Variants in WWOX observed in about 807,000 individuals in gnomAD.
WWOX encodes the protein WW domain-containing oxidoreductase.
Under a neutral mutation model 46.2 loss-of-function variants are expected in WWOX, and 69 were observed. That is an observed-to-expected ratio of 1.49 (90% confidence interval 1.23 to 1.82). WWOX has a LOEUF of 1.82. WWOX is among the 40% of genes most tolerant of loss of function. WWOX has a pLI of 0.00. For synonymous variants in WWOX, 359 were observed against 202.6 expected, an observed-to-expected ratio of 1.77 and a Z score of -6.56; for missense variants, 919 against 542.6, an observed-to-expected ratio of 1.69 and a Z score of -6.89.
chr16:78,871,810 C>A (rs1248687276), intron 8 of WWOX, among the ~76,000 whole-genome samples: 2 of 152,170 alleles, frequency 1.3e-5, no homozygotes, highest in Non-Finnish European at 2.9e-5. Flanking sequence ...ACCATATTGG[C>A]CAGGCTGGTC....
chr16:78,237,066 T>C (rs1259558580), intron 5 of WWOX, among the ~76,000 whole-genome samples: 2 of 110,244 alleles, frequency 1.8e-5, no homozygotes, highest in African/African-American at 3.8e-5. Flanking sequence ...AGAGTGAGAC[T>C]CCGTCTCAAA....
chr16:78,915,084 A>G (rs1039336065), intron 8 of WWOX, among the ~76,000 whole-genome samples: 3 of 151,924 alleles, frequency 2.0e-5, no homozygotes, highest in African/African-American at 7.3e-5. Context: ...GAGATGGAAG[A>G]CCTCTTGGCT....
At chr16:78,238,343 A>G (rs991284565) in intron 5 of WWOX, among the ~76,000 whole-genome samples, 2 of 152,156 alleles carry the variant, frequency 1.3e-5, no homozygotes, top group African/African-American at 4.8e-5. Context: ...TTCATCACCC[A>G]GGCTGGAGTG....
At chr16:78,701,274 G>A (rs755828572) in intron 8 of WWOX, among the ~76,000 whole-genome samples, 6 of 152,114 alleles carry the variant, frequency 3.9e-5, no homozygotes, top group Non-Finnish European at 8.8e-5. Context: ...ACAGGGTCTT[G>A]TTATGTTTCC....
intron 8 of WWOX, among the ~76,000 whole-genome samples, chr16:78,755,688 G>A (rs1025313303): frequency 3.3e-5 from 5 of 152,090 alleles, no homozygotes; most frequent in Admixed American, 2.6e-4. Flanking sequence ...CTGCACCAGG[G>A]CCATGTGACA....
intron 8 of WWOX, among the ~76,000 whole-genome samples, chr16:78,963,138 C>T (rs529983678): frequency 3.3e-5 from 5 of 152,032 alleles, no homozygotes. Flanking sequence ...TTTACCATTC[C>T]TCTTGTCTAT....
intron 5 of WWOX, among the ~76,000 whole-genome samples, chr16:78,349,127 C>T (rs549130822): frequency 2.5e-5 from 3 of 120,864 alleles, no homozygotes; most frequent in Admixed American, 8.0e-5. Context: ...AGGTCTACCT[C>T]GTCTGCTTGC....
At chr16:78,853,567 G>A (rs2052499858) in intron 8 of WWOX, among the ~76,000 whole-genome samples, 1 of 152,108 alleles carries the variant, frequency 6.6e-6, no homozygotes, top group African/African-American at 2.4e-5. Context: ...GAATCTTCTT[G>A]ACCATGAGGC....
intron 8 of WWOX, among the ~76,000 whole-genome samples, chr16:78,529,008 C>T (rs372274511): frequency 6.3e-4 from 93 of 147,662 alleles, no homozygotes; most frequent in African/African-American, 1.8e-3. Flanking sequence ...GGCCGGAGTA[C>T]AGTGGCACGA....
chr16:78,107,291 C>G (rs1265832783), intron 1 of WWOX, among the ~76,000 whole-genome samples: 1 of 152,122 alleles, frequency 6.6e-6, no homozygotes, highest in Non-Finnish European at 1.5e-5. Flanking sequence ...ACACGTGTTT[C>G]TAGTTATTGA....
chr16:78,556,025 G>C (rs2044286387), intron 8 of WWOX, among the ~76,000 whole-genome samples: 1 of 152,072 alleles, frequency 6.6e-6, no homozygotes, highest in Admixed American at 6.5e-5. Flanking sequence ...GTGAGAGATG[G>C]AGGTCCAGCC....
At chr16:79,038,776 C>G (rs1307081929) in intron 8 of WWOX, among the ~76,000 whole-genome samples, 1 of 152,158 alleles carries the variant, frequency 6.6e-6, no homozygotes, top group East Asian at 1.9e-4. Context: ...TCTTGAATTC[C>G]TAACTTCAGG....
At chr16:78,779,608 C>T (rs147960860) in intron 8 of WWOX, among the ~76,000 whole-genome samples, 2 of 152,178 alleles carry the variant, frequency 1.3e-5, no homozygotes, top group Non-Finnish European at 1.5e-5. Context: ...TTACCCACTT[C>T]ATTTTAAGTA....
chr16:78,235,038 C>G (rs1040743511), intron 5 of WWOX, among the ~76,000 whole-genome samples: 10 of 151,902 alleles, frequency 6.6e-5, no homozygotes, highest in African/African-American at 1.5e-4. Flanking sequence ...ATCCTTTACT[C>G]TCATCTGCTG....
At chr16:79,176,824 G>A (rs1317891360) in intron 8 of WWOX, among the ~76,000 whole-genome samples, 2 of 152,134 alleles carry the variant, frequency 1.3e-5, no homozygotes, top group East Asian at 1.9e-4. Flanking sequence ...CCCTGGAAAA[G>A]AGTAATATAG....
chr16:78,752,861 C>G (rs1196671667), intron 8 of WWOX, among the ~76,000 whole-genome samples: 1 of 152,218 alleles, frequency 6.6e-6, no homozygotes, highest in African/African-American at 2.4e-5. Context: ...AGGAGTCAGG[C>G]TTCCTGATCT....
chr16:78,283,910 AAAGTT>A, intron 5 of WWOX, among the ~76,000 whole-genome samples: 1 of 152,220 alleles, frequency 6.6e-6, no homozygotes, highest in Non-Finnish European at 1.5e-5. Flanking sequence ...TGGGAGCAGT[AAAGTT>A]AATTGTGGCA....
chr16:78,126,866 A>G (rs1240489035), intron 4 of WWOX, among the ~76,000 whole-genome samples: 1 of 152,218 alleles, frequency 6.6e-6, no homozygotes, highest in Non-Finnish European at 1.5e-5. Flanking sequence ...AGATTTGATT[A>G]CTTTGGTTAT....
At chr16:78,626,576 C>T (rs893514796) in intron 8 of WWOX, among the ~76,000 whole-genome samples, 1 of 152,164 alleles carries the variant, frequency 6.6e-6, no homozygotes. Flanking sequence ...TTGATGGTGA[C>T]TCTGATTCAC....
Sources: allele counts gnomAD v4.1 joint callset (sites outside exome capture counted in the v4.1 genomes callset), GRCh38; gene constraint gnomAD v4.1.1; transcripts MANE v1.5; gene names NCBI Gene and HGNC (gene_info 2026-07-23, HGNC 2026-07-21).